GRHL2: variants seen among roughly 807,000 people sequenced by gnomAD.
The protein encoded by GRHL2 is grainyhead like transcription factor 2.
In GRHL2, 21 loss-of-function variants were observed where a neutral mutation model predicts 83.8. The observed-to-expected ratio is 0.25, with a 90% CI of 0.18 to 0.36. GRHL2 has a LOEUF of 0.36. Among genes scored for constraint, GRHL2 ranks in the 10% least tolerant of loss-of-function variants. GRHL2 has a pLI of 1.00. For missense variants in GRHL2, 623 were observed against 781.8 expected, an observed-to-expected ratio of 0.80 and a Z score of 2.42; for synonymous variants, 280 against 278.9, an observed-to-expected ratio of 1.00 and a Z score of -0.04.
intron 4 of GRHL2, among the ~76,000 whole-genome samples, chr8:101,559,022 T>G (rs1462510578): frequency 6.6e-6 from 1 of 152,116 alleles, no homozygotes; most frequent in Admixed American, 6.5e-5. Flanking sequence ...GAGGAATATT[T>G]CTATTTTTCT....
intron 4 of GRHL2, among the ~76,000 whole-genome samples, chr8:101,561,059 C>G (rs1368119683): frequency 6.6e-6 from 1 of 151,724 alleles, no homozygotes; most frequent in Non-Finnish European, 1.5e-5. Flanking sequence ...TTTCCCTAAC[C>G]CAATGTCACA....
At chr8:101,521,106 G>T (rs1174625650) in intron 1 of GRHL2, among the ~76,000 whole-genome samples, 1 of 152,198 alleles carries the variant, frequency 6.6e-6, no homozygotes, top group Non-Finnish European at 1.5e-5. Context: ...CTGGCAAAGT[G>T]GGGGAACTGT....
intron 1 of GRHL2, among the ~76,000 whole-genome samples, chr8:101,513,776 G>A (rs142693990): frequency 6.0e-4 from 92 of 152,146 alleles, no homozygotes; most frequent in African/African-American, 2.1e-3. Flanking sequence ...GATTACACAC[G>A]TGAGCTATCG....
At chr8:101,597,985 C>G (rs898417241) in intron 7 of GRHL2, among the ~76,000 whole-genome samples, 14 of 151,906 alleles carry the variant, frequency 9.2e-5, no homozygotes, top group African/African-American at 3.1e-4. Context: ...TAAGTATATC[C>G]CAAATATTTG....
At chr8:101,551,021 G>A (rs1205259280) in intron 2 of GRHL2, among the ~76,000 whole-genome samples, 1 of 152,090 alleles carries the variant, frequency 6.6e-6, no homozygotes, top group Non-Finnish European at 1.5e-5. Context: ...TTGGACATTT[G>A]GGTGGTTTCC....
intron 7 of GRHL2, among the ~76,000 whole-genome samples, chr8:101,580,466 C>T (rs1812026791): frequency 6.6e-6 from 1 of 152,190 alleles, no homozygotes; most frequent in Admixed American, 6.5e-5. Flanking sequence ...CTCCCCGTCA[C>T]TCTTCCCAGC....
chr8:101,583,640 G>C (rs1031644054), intron 7 of GRHL2, among the ~76,000 whole-genome samples: 3 of 152,182 alleles, frequency 2.0e-5, no homozygotes, highest in Non-Finnish European at 4.4e-5. Context: ...GTTTTGCACA[G>C]TGTGTGAGCC....
At chr8:101,509,212 TG>T (rs1810414641) in intron 1 of GRHL2, among the ~76,000 whole-genome samples, 27 of 77,322 alleles carry the variant, frequency 3.5e-4, no homozygotes, top group East Asian at 1.9e-3. Context: ...TTTCTTCTTG[TG>T]TGTGTGTGTG....
chr8:101,596,770 T>C (rs1435992668), intron 7 of GRHL2, among the ~76,000 whole-genome samples: 1 of 152,234 alleles, frequency 6.6e-6, no homozygotes, highest in African/African-American at 2.4e-5. Context: ...TGGTTATTTG[T>C]GGGTGAGAAA....
At chr8:101,577,719 A>C (rs184997058) in intron 7 of GRHL2, among the ~76,000 whole-genome samples, 200 bp downstream of exon 7, 1 of 152,348 alleles carries the variant, frequency 6.6e-6, no homozygotes, top group East Asian at 1.9e-4. Flanking sequence ...AGCGTTTTCT[A>C]TTCTATGAAA....
rs772000434 is a variant in GRHL2, at chr8:101,619,815, A to G, written c.1257+118A>G. On this transcript the variant is annotated intron_variant, in intron 9 of 15. Transcript: ENST00000646743. ...TGGTGTCAAAATATTCACTTTACTCATCACAGTGGGAGTGGTAATCTTCTA... is the reference window on the plus strand; with the variant it reads ...TGGTGTCAAAATATTCACTTTACTCGTCACAGTGGGAGTGGTAATCTTCTA... 381 of 753,552 alleles carry G rather than the reference A, an allele frequency of 5.1e-4. 1 individual carries two copies. Among genetic ancestry groups the G allele is most frequent in the Non-Finnish European group, 1.8e-4 (80 of 439,744 alleles). The allele number at this position is 753,552 out of a possible 1,614,324, so 46.7% of individuals were successfully genotyped here.
chr8:101,540,079 A>G (rs762356723), intron 1 of GRHL2, among the ~76,000 whole-genome samples: 1 of 152,264 alleles, frequency 6.6e-6, no homozygotes, highest in Non-Finnish European at 1.5e-5. Flanking sequence ...ATTAATGATT[A>G]TCTTTAAGAC....
intron 14 of GRHL2, among the ~76,000 whole-genome samples, chr8:101,656,344 A>G (rs1813785501): frequency 6.6e-6 from 1 of 152,186 alleles, no homozygotes; most frequent in Non-Finnish European, 1.5e-5. Flanking sequence ...GATTTTTATA[A>G]TATCCCCATG....
intron 7 of GRHL2, among the ~76,000 whole-genome samples, chr8:101,595,560 A>G (rs1296933838): frequency 6.6e-6 from 1 of 152,234 alleles, no homozygotes; most frequent in African/African-American, 2.4e-5. Flanking sequence ...GTTGATCTAA[A>G]TTCAACAGTC....
At chr8:101,579,403 T>C (rs962881444) in intron 7 of GRHL2, among the ~76,000 whole-genome samples, 1 of 152,212 alleles carries the variant, frequency 6.6e-6, no homozygotes, top group Non-Finnish European at 1.5e-5. Flanking sequence ...TTCTTTATCA[T>C]CTCTTGCCTG....
chr8:101,560,642 C>G (rs1351086880), intron 4 of GRHL2, among the ~76,000 whole-genome samples: 1 of 152,172 alleles, frequency 6.6e-6, no homozygotes, highest in African/African-American at 2.4e-5. Context: ...ATGAGGATCC[C>G]TGTTTTCCAC....
intron 12 of GRHL2, among the ~76,000 whole-genome samples, chr8:101,639,819 C>T (rs1813361834): frequency 6.6e-6 from 1 of 152,278 alleles, no homozygotes; most frequent in Admixed American, 6.5e-5. Flanking sequence ...TGTACAGCTT[C>T]CATCAGGACT....
At chr8:101,577,607 C>A in intron 7 of GRHL2, 88 bp downstream of exon 7, 1 of 863,562 alleles carries the variant, frequency 1.2e-6, no homozygotes, top group Non-Finnish European at 1.9e-6. Flanking sequence ...GTAATCACAG[C>A]TGGAGCCACA....
chr8:101,563,781 T>C (rs1811657942), intron 4 of GRHL2, among the ~76,000 whole-genome samples: 2 of 152,176 alleles, frequency 1.3e-5, no homozygotes, highest in Admixed American at 1.3e-4. Context: ...TTTGGTATTG[T>C]TGATTATTTG....
Sources: allele counts gnomAD v4.1 joint callset (sites outside exome capture counted in the v4.1 genomes callset), GRCh38; gene constraint gnomAD v4.1.1; transcripts MANE v1.5; gene names NCBI Gene and HGNC (gene_info 2026-07-23, HGNC 2026-07-21).